Variants in CES5A observed in about 807,000 individuals in gnomAD.
CES5A encodes carboxylesterase 5A.
In CES5A, 67 loss-of-function variants were observed where a neutral mutation model predicts 62.9. That is an observed-to-expected ratio of 1.07 (90% CI 0.88 to 1.31). The LOEUF is 1.31. Among genes scored for constraint, CES5A ranks in the 50% most tolerant of loss-of-function variants. The probability of loss-of-function intolerance (pLI) is 0.00; values close to 1 mark genes in which losing one functional copy is unlikely to be tolerated. For synonymous variants in CES5A, 296 were observed against 280.8 expected (o/e 1.05, Z -0.54); for missense variants, 748 against 708.5 (o/e 1.06, Z -0.63).
chr16:55,904,667 A>C (rs2034021756), intron 1 of CES5A, among the ~76,000 whole-genome samples: 1 of 152,252 alleles, frequency 6.6e-6, no homozygotes, highest in South Asian at 2.1e-4. Flanking sequence ...CCATTATAGA[A>C]AAAAGGAAAC....
intron 5 of CES5A, among the ~76,000 whole-genome samples, chr16:55,863,902 G>T (rs2033404195): frequency 6.6e-6 from 1 of 151,842 alleles, no homozygotes; most frequent in African/African-American, 2.4e-5. Context: ...GATTACAGGT[G>T]CGCACCACCA....
Position 55,846,684 on chromosome 16 carries a change from T to G in CES5A, c.1497-2A>C. 6.2e-7 allele frequency: 1 copy of G among 1,613,588 alleles called. No individual in the cohort carries two copies. The highest frequency in any genetic ancestry group is 8.5e-7 in the Non-Finnish European group (1 of 1,179,586). ...GACAGGTCGTTCCCATTAGGATTCC[T>G]AGAAGGGAGAGCAGAAACAGGGGTG... is the stretch of plus-strand genomic sequence containing the variant. On this transcript the variant is annotated splice_acceptor_variant, in intron 12 of 12. Transcript: ENST00000290567. LOFTEE classifies it high-confidence loss of function.
chr16:55,941,691 G>A (rs1195902324), intron 2 of CES5A, among the ~76,000 whole-genome samples: 1 of 152,028 alleles, frequency 6.6e-6, no homozygotes, highest in Non-Finnish European at 1.5e-5. Flanking sequence ...CAAAGTTGGA[G>A]CACTTACACT....
At chr16:55,852,165 A>G (rs1403906333) in intron 10 of CES5A, among the ~76,000 whole-genome samples, 1 of 152,244 alleles carries the variant, frequency 6.6e-6, no homozygotes, top group Non-Finnish European at 1.5e-5. Context: ...ACTTGATACC[A>G]TTGAACTATA....
chr16:55,930,460 G>A (rs2034298846), upstream of CES5A, among the ~76,000 whole-genome samples: 1 of 152,128 alleles, frequency 6.6e-6, no homozygotes, highest in Non-Finnish European at 1.5e-5. Flanking sequence ...CTACTACAAG[G>A]AGTTATCATA....
chr16:55,905,083 G>C (rs1235187082), intron 1 of CES5A, among the ~76,000 whole-genome samples: 3 of 152,206 alleles, frequency 2.0e-5, no homozygotes, highest in Non-Finnish European at 4.4e-5. Flanking sequence ...TGAGTCTCAA[G>C]TTTTATAAAT....
chr16:55,878,887 T>C (rs114323059), upstream of CES5A, among the ~76,000 whole-genome samples: 2,207 of 131,204 alleles, frequency 0.017, 67 homozygotes, highest in African/African-American at 0.062. Context: ...ACCCCCACCA[T>C]TTAACCACCA....
At chr16:55,949,130 G>T (rs72810551) in intron 2 of CES5A, among the ~76,000 whole-genome samples, 1 of 152,308 alleles carries the variant, frequency 6.6e-6, no homozygotes, top group Non-Finnish European at 1.5e-5. Context: ...CTCAATCATA[G>T]GTTGGGATCC....
intron 1 of CES5A, among the ~76,000 whole-genome samples, chr16:55,890,321 A>T (rs534736717): frequency 6.6e-6 from 1 of 152,328 alleles, no homozygotes; most frequent in African/African-American, 2.4e-5. Context: ...AACTTCAATG[A>T]ATATTCAGAC....
chr16:55,919,464 A>G (rs893053956), intron 1 of CES5A, among the ~76,000 whole-genome samples: 15 of 152,006 alleles, frequency 9.9e-5, no homozygotes, highest in South Asian at 8.3e-4. Context: ...TCCCTACCCA[A>G]ATGATTTTAT....
At chr16:55,948,109 A>G (rs1168615058) in intron 2 of CES5A, among the ~76,000 whole-genome samples, 2 of 152,202 alleles carry the variant, frequency 1.3e-5, no homozygotes, top group African/African-American at 2.4e-5. Flanking sequence ...ATGTCGATCA[A>G]TTTAGAGGTT....
At chr16:55,910,305 C>T (rs916476706) in intron 1 of CES5A, among the ~76,000 whole-genome samples, 6 of 152,206 alleles carry the variant, frequency 3.9e-5, no homozygotes, top group Admixed American at 2.0e-4. Context: ...CCACACCTGA[C>T]AGAAGGCGCT....
At chr16:55,929,976 G>GC (rs111498795), upstream of CES5A, among the ~76,000 whole-genome samples, 8,210 of 151,964 alleles carry the variant, frequency 0.054, 545 homozygotes, top group African/African-American at 0.15. Context: ...ACCTTCCTTG[G>GC]CCCAGCAGTG....
intron 1 of CES5A, among the ~76,000 whole-genome samples, chr16:55,901,232 G>T (rs2033987503): frequency 6.6e-6 from 1 of 152,176 alleles, no homozygotes; most frequent in African/African-American, 2.4e-5. Flanking sequence ...TGTAAGACAT[G>T]ACTTTGCCAT....
chr16:55,870,758 A>C (rs1230766710), intron 3 of CES5A, among the ~76,000 whole-genome samples: 4 of 151,910 alleles, frequency 2.6e-5, no homozygotes, highest in African/African-American at 9.7e-5. Flanking sequence ...AGGGAACATA[A>C]AACATTCAAA....
At chr16:55,914,383 T>C (rs192489937) in intron 1 of CES5A, among the ~76,000 whole-genome samples, 97 of 145,628 alleles carry the variant, frequency 6.7e-4, no homozygotes, top group African/African-American at 2.6e-3. Flanking sequence ...GTCTGACCCA[T>C]TGGTTCAAAA....
At position 55,846,401 on chromosome 16, in the gene CES5A, G is replaced by A; in HGVS notation, c.*50C>T. On this transcript the variant is annotated 3_prime_UTR_variant, in exon 13 of 13. Transcript: ENST00000290567. ...CTCAGAAAGAAGCTAATGATTGCGG[G>A]AGAAATTATGGGAGGAGAAGGGAAA... is the stretch of plus-strand genomic sequence containing the variant. 7.1e-7 allele frequency: 1 copy of A among 1,410,890 alleles called. No homozygotes were observed. Among genetic ancestry groups the A allele is most frequent in the South Asian group, 1.2e-5 (1 of 84,794 alleles). 87.4% of individuals were successfully genotyped at this position (1,410,890 alleles called of 1,614,324 possible).
At chr16:55,912,312 T>C (rs1164768240) in intron 1 of CES5A, among the ~76,000 whole-genome samples, 2 of 152,236 alleles carry the variant, frequency 1.3e-5, no homozygotes, top group Admixed American at 6.5e-5. Flanking sequence ...ACAACAGGTC[T>C]ATTTTAAAAG....
intron 1 of CES5A, among the ~76,000 whole-genome samples, chr16:55,886,794 C>T (rs2033820247): frequency 6.6e-6 from 1 of 152,134 alleles, no homozygotes; most frequent in African/African-American, 2.4e-5. Flanking sequence ...CTGCTCACAG[C>T]ATCCTTTGTC....
Sources: gnomAD v4.1 joint callset for allele counts (sites outside exome capture counted in the v4.1 genomes callset) on GRCh38, gnomAD v4.1.1 for gene constraint, MANE v1.5 for transcripts, NCBI Gene and HGNC (gene_info 2026-07-23, HGNC 2026-07-21) for gene names.